Variants in BRINP3 observed in about 807,000 individuals in gnomAD.
BRINP3 encodes BMP/retinoic acid-inducible neural-specific protein 3.
In BRINP3, 19 loss-of-function variants were observed where a neutral mutation model predicts 71.0. That is an observed-to-expected ratio of 0.27 (90% CI 0.19 to 0.39). BRINP3 has a LOEUF of 0.39. Among genes scored for constraint, BRINP3 ranks in the 10% least tolerant of loss-of-function variants. BRINP3 has a pLI of 1.00. For synonymous variants in BRINP3, 380 were observed against 337.7 expected, an observed-to-expected ratio of 1.13 and a Z score of -1.37; for missense variants, 959 against 940.8, an observed-to-expected ratio of 1.02 and a Z score of -0.25.
At chr1:190,290,891 G>A (rs1663810402) in intron 2 of BRINP3, among the ~76,000 whole-genome samples, 1 of 151,682 alleles carries the variant, frequency 6.6e-6, no homozygotes, top group African/African-American at 2.4e-5. Flanking sequence ...ATCTGTGAGT[G>A]TTTGTGTGTG....
chr1:190,232,742 G>A (rs1658112564), intron 5 of BRINP3, among the ~76,000 whole-genome samples: 1 of 152,024 alleles, frequency 6.6e-6, no homozygotes, highest in Non-Finnish European at 1.5e-5. Context: ...TAGTAATTCA[G>A]ACACAAATCA....
intron 4 of BRINP3, among the ~76,000 whole-genome samples, chr1:190,254,468 C>A (rs1294205792): frequency 1.3e-5 from 2 of 152,006 alleles, no homozygotes; most frequent in African/African-American, 2.4e-5. Flanking sequence ...GTTTGTAGTT[C>A]TCCTTGAAGA....
At chr1:190,450,906 T>G (rs763769809) in intron 2 of BRINP3, among the ~76,000 whole-genome samples, 1 of 152,158 alleles carries the variant, frequency 6.6e-6, no homozygotes, top group Non-Finnish European at 1.5e-5. Flanking sequence ...ATATAGTGGT[T>G]TAACTCTTTT....
intron 5 of BRINP3, among the ~76,000 whole-genome samples, chr1:190,232,409 G>T (rs1180792099): frequency 6.6e-6 from 1 of 152,006 alleles, no homozygotes; most frequent in Non-Finnish European, 1.5e-5. Context: ...TACTTGGATT[G>T]TAAATACCAA....
At chr1:190,466,620 T>C (rs1342267033) in intron 1 of BRINP3, among the ~76,000 whole-genome samples, 1 of 151,746 alleles carries the variant, frequency 6.6e-6, no homozygotes, top group Non-Finnish European at 1.5e-5. Context: ...AACCGAGGAA[T>C]GTGTGTTACA....
chr1:190,419,655 C>T (rs1419318723), intron 2 of BRINP3, among the ~76,000 whole-genome samples: 1 of 150,408 alleles, frequency 6.6e-6, no homozygotes, highest in Non-Finnish European at 1.5e-5. Flanking sequence ...TGTTCAGTTC[C>T]TAGTTTTAAA....
At chr1:190,147,255 G>T (rs1244805290) in intron 7 of BRINP3, among the ~76,000 whole-genome samples, 1 of 151,996 alleles carries the variant, frequency 6.6e-6, no homozygotes, top group South Asian at 2.1e-4. Context: ...TTCAAATTAT[G>T]TAGATTCAAG....
At chr1:190,292,873 T>G (rs762756620) in intron 2 of BRINP3, among the ~76,000 whole-genome samples, 3 of 152,184 alleles carry the variant, frequency 2.0e-5, no homozygotes, top group Non-Finnish European at 2.9e-5. Context: ...TCTTTTGTAT[T>G]TTTGTGTTAT....
chr1:190,365,833 T>TACAC (rs1386301754), intron 2 of BRINP3, among the ~76,000 whole-genome samples: 8 of 135,456 alleles, frequency 5.9e-5, no homozygotes, highest in Admixed American at 2.2e-4. Context: ...TATATATATA[T>TACAC]ATACACACAC....
At chr1:190,132,330 T>C (rs979613863) in intron 7 of BRINP3, among the ~76,000 whole-genome samples, 1 of 152,090 alleles carries the variant, frequency 6.6e-6, no homozygotes, top group Admixed American at 6.6e-5. Flanking sequence ...TCACTTATGT[T>C]AACAGTGCCC....
At chr1:190,436,428 C>T (rs995816596) in intron 2 of BRINP3, among the ~76,000 whole-genome samples, 1 of 151,778 alleles carries the variant, frequency 6.6e-6, no homozygotes, top group Non-Finnish European at 1.5e-5. Context: ...AAAGGACAAT[C>T]ATCCCATGAC....
intron 7 of BRINP3, among the ~76,000 whole-genome samples, chr1:190,154,996 C>T (rs1177188200): frequency 2.0e-5 from 3 of 152,066 alleles, no homozygotes; most frequent in Non-Finnish European, 4.4e-5. Flanking sequence ...GTGAACAATA[C>T]AGAACTTGTA....
chr1:190,248,068 TATTCTGGTTTC>T (rs1403835481), intron 4 of BRINP3, among the ~76,000 whole-genome samples: 1 of 151,882 alleles, frequency 6.6e-6, no homozygotes, highest in Non-Finnish European at 1.5e-5. Context: ...GTTTCTTTTT[TATTCTGGTTTC>T]AGAATATCCT....
At chr1:190,154,457 T>C (rs575583982) in intron 7 of BRINP3, among the ~76,000 whole-genome samples, 1 of 152,270 alleles carries the variant, frequency 6.6e-6, no homozygotes, top group African/African-American at 2.4e-5. Context: ...ACTATTTTCA[T>C]AGAAATAAAT....
In BRINP3 at chr1:190,426,146, A is replaced by T. The variant is rs542067661; in HGVS notation, c.236+28509T>A. On this transcript the variant is annotated intron_variant, in intron 2 of 7. Transcript: ENST00000367462. ...TTATTTTGGAAACGTGTAATGAAAA[A>T]ATATATATCCAAAGGCAGAGTATAA... Among the ~76,000 whole-genome samples, 22 of 151,908 alleles carry T rather than the reference A, an allele frequency of 1.4e-4. 1 individual carries two copies. In the South Asian group the frequency reaches 4.6e-3, roughly 31 times the overall value.
At chr1:190,470,987 G>A (rs1677100782) in intron 1 of BRINP3, among the ~76,000 whole-genome samples, 1 of 151,166 alleles carries the variant, frequency 6.6e-6, no homozygotes, top group South Asian at 2.1e-4. Flanking sequence ...AACATTAAGT[G>A]TAGAGGAGTG....
At chr1:190,307,781 C>G (rs1278353449) in intron 2 of BRINP3, among the ~76,000 whole-genome samples, 1 of 151,782 alleles carries the variant, frequency 6.6e-6, no homozygotes, top group Non-Finnish European at 1.5e-5. Context: ...ACAACACTAA[C>G]AAAAGACAAA....
chr1:190,181,831 GT>G (rs1162458291), intron 6 of BRINP3, among the ~76,000 whole-genome samples: 1 of 151,636 alleles, frequency 6.6e-6, no homozygotes, highest in East Asian at 1.9e-4. Context: ...ACCCATTTTT[GT>G]TTTTTTAACC....
rs1202690091 is a variant in BRINP3 at position 190,160,810 on chromosome 1, C to T, written c.1042G>A (p.Asp348Asn). Residue 348 changes from aspartate to asparagine, a missense_variant, in exon 7 of 8, where the codon GAT (aspartate) becomes AAT (asparagine). Physicochemically the swap from Asp to Asn is conservative, Grantham distance 23. Coordinates refer to ENST00000367462, the MANE Select transcript of BRINP3 (RefSeq NM_199051.3). ...TSTIMHLWTM[D>N]SNFQRRYEQL... Reference sequence around the variant, plus strand: ...TCATAACGGCGCTGAAAATTAGAATCCATTGTCCACAAATGCATTATAGTA... The same window carrying T: ...TCATAACGGCGCTGAAAATTAGAATTCATTGTCCACAAATGCATTATAGTA... The T allele has an allele frequency of 6.2e-7, 1 of 1,613,548 alleles. No homozygotes were observed. Among genetic ancestry groups the T allele is most frequent in the Admixed American group, 1.7e-5 (1 of 59,918 alleles).
Sources: allele counts gnomAD v4.1 joint callset (sites outside exome capture counted in the v4.1 genomes callset), GRCh38; gene constraint gnomAD v4.1.1; transcripts MANE v1.5; gene names NCBI Gene and HGNC (gene_info 2026-07-23, HGNC 2026-07-21).